Variants in OR2L3 observed in about 807,000 individuals in gnomAD.
OR2L3 encodes olfactory receptor family 2 subfamily L member 3.
For synonymous variants in OR2L3, 131 were observed against 139.1 expected (o/e 0.94, Z 0.41); for missense variants, 369 against 376.6 (o/e 0.98, Z 0.17).
chr1:248,049,507 T>C (rs1025126280), intron 1 of OR2L3, among the ~76,000 whole-genome samples: 1 of 152,138 alleles, frequency 6.6e-6, no homozygotes, highest in African/African-American at 2.4e-5. Flanking sequence ...ATCTTTTACA[T>C]TGGGAGCAAG....
chr1:248,059,814 CAGG>C (rs897902212), intron 1 of OR2L3, among the ~76,000 whole-genome samples: 5 of 152,082 alleles, frequency 3.3e-5, no homozygotes, highest in African/African-American at 1.2e-4. Flanking sequence ...AAGGCCAAGA[CAGG>C]AGGATTGGTG....
At chr1:248,048,288 G>A (rs1663145758) in intron 1 of OR2L3, among the ~76,000 whole-genome samples, 1 of 152,132 alleles carries the variant, frequency 6.6e-6, no homozygotes, top group African/African-American at 2.4e-5. Context: ...AAGAGTTGTG[G>A]TTCTCCAACT....
intron 1 of OR2L3, among the ~76,000 whole-genome samples, chr1:248,054,991 G>A (rs762413958): frequency 2.6e-5 from 4 of 152,186 alleles, no homozygotes; most frequent in Non-Finnish European, 5.9e-5. Context: ...TAAGAGTCAT[G>A]AGAGATTGCA....
Position 248,062,894 on chromosome 1 carries a change from A to G in OR2L3, c.*1274A>G, listed in dbSNP as rs1213838524. 1 of 152,184 alleles carries G rather than the reference A, an allele frequency of 6.6e-6. No homozygotes were observed. Among genetic ancestry groups the G allele is most frequent in the Admixed American group, 6.5e-5 (1 of 15,276 alleles). The allele number at this position is 152,184 out of a possible 1,614,324, so 9.4% of individuals were successfully genotyped here. ...GTATCCATAGTAATTAAAATAAAAG[A>G]ACCAGTTCACTGTAGATATATGGAT... On this transcript the variant is annotated 3_prime_UTR_variant, in exon 2 of 2. Transcript: ENST00000359959.
intron 1 of OR2L3, among the ~76,000 whole-genome samples, chr1:248,059,715 C>T (rs1305402888): frequency 6.6e-6 from 1 of 152,070 alleles, no homozygotes; most frequent in Non-Finnish European, 1.5e-5. Flanking sequence ...CTCAAAATAG[C>T]AGAGAGGCTG....
chr1:248,062,723 G>A lies in OR2L3; in HGVS notation c.*1103G>A, dbSNP rs1275817658. On this transcript the variant is annotated 3_prime_UTR_variant, in exon 2 of 2. Coordinates refer to ENST00000359959, the MANE Select transcript of OR2L3 (RefSeq NM_001004687.2). ...TTATTGTATGTATTAAAGAATAACT[G>A]AAAGAGTGGAATTGGAATGTTCCCA... 6.6e-6 allele frequency: 1 copy of A among 152,148 alleles called. No homozygotes were observed. The highest frequency in any genetic ancestry group is 2.4e-5 in the African/African-American group (1 of 41,444). The allele number at this position is 152,148 out of a possible 1,614,324, so 9.4% of individuals were successfully genotyped here. A position where few individuals can be genotyped will look rare whatever the true frequency, so the allele number is the denominator to read the frequency against.
rs766662395 is a variant in OR2L3 at position 248,061,006 on chromosome 1, G to A, written c.325G>A (p.Ala109Thr). The A allele has an allele frequency of 3.0e-5, 49 of 1,613,974 alleles. No individual in the cohort carries two copies. The highest frequency in any genetic ancestry group is 8.3e-5 in the Admixed American group (5 of 60,000). The stretch of plus-strand genomic sequence containing the variant: ...TTTCTTCTTCTCGGCATTAGGAGGT[G>A]CAGAAGCACTACTTTTGGCATCTAT... ...QSFFFSALGG[A>T]EALLLASMAY... Residue 109 changes from alanine (A) to threonine (T), a missense_variant, in exon 2 of 2, where the codon GCA (alanine) becomes ACA (threonine). Transcript: ENST00000359959.
intron 1 of OR2L3, among the ~76,000 whole-genome samples, chr1:248,048,801 T>C (rs1663164791): frequency 1.3e-5 from 2 of 152,092 alleles, no homozygotes; most frequent in African/African-American, 4.8e-5. Flanking sequence ...TCTGGAAAAC[T>C]CCATAAAGAA....
At chr1:248,050,910 TG>T (rs2103111303) in intron 1 of OR2L3, among the ~76,000 whole-genome samples, 2 of 152,316 alleles carry the variant, frequency 1.3e-5, no homozygotes, top group East Asian at 3.9e-4. Context: ...TGCTCTGCCA[TG>T]GCTTAGAAAC....
At chr1:248,058,544 A>G (rs916667436) in intron 1 of OR2L3, among the ~76,000 whole-genome samples, 1 of 152,090 alleles carries the variant, frequency 6.6e-6, no homozygotes, top group Non-Finnish European at 1.5e-5. Context: ...ATATATATAT[A>G]TCTTCTGATA....
chr1:248,049,227 T>C (rs1184659327), intron 1 of OR2L3, among the ~76,000 whole-genome samples: 1 of 152,190 alleles, frequency 6.6e-6, no homozygotes, highest in Non-Finnish European at 1.5e-5. Context: ...AGACTATGTT[T>C]GAAAAATCTT....
Position 248,060,592 on chromosome 1 carries a change from G to T in OR2L3, c.-21-69G>T, listed in dbSNP as rs1222186010. 3 of 983,670 alleles carry T rather than the reference G, an allele frequency of 3.0e-6. No individual in the cohort carries two copies. The South Asian group carries it at 4.6e-5, about 15-fold the overall frequency. 60.9% of individuals were successfully genotyped at this position (983,670 alleles called of 1,614,324 possible). On this transcript the variant is annotated intron_variant, in intron 1 of 1. Transcript: ENST00000359959. ...TCCAGTCTCAAGAATTTACTGAGGG[G>T]CTTCAAATGCATTCCCTGCAGATAA...
intron 1 of OR2L3, among the ~76,000 whole-genome samples, chr1:248,056,992 G>A (rs1376596204): frequency 6.6e-6 from 1 of 152,050 alleles, no homozygotes. Context: ...ATTGTGCTGT[G>A]GTCTGAGAGA....
chr1:248,057,379 A>G (rs1214598112), intron 1 of OR2L3, among the ~76,000 whole-genome samples: 1 of 152,138 alleles, frequency 6.6e-6, no homozygotes, highest in African/African-American at 2.4e-5. Context: ...GAACTCTTTT[A>G]CATTATGTAA....
chr1:248,050,240 T>A (rs1218526807), intron 1 of OR2L3, among the ~76,000 whole-genome samples: 1 of 151,966 alleles, frequency 6.6e-6, no homozygotes, highest in Non-Finnish European at 1.5e-5. Flanking sequence ...TTAATGCTTA[T>A]GCCTGCATAC....
At chr1:248,058,582 G>T in intron 1 of OR2L3, among the ~76,000 whole-genome samples, 1 of 151,858 alleles carries the variant, frequency 6.6e-6, no homozygotes, top group East Asian at 1.9e-4. Context: ...AAAAGCTTTA[G>T]AATTTGTCTT....
At chr1:248,057,695 TG>T (rs1234777776) in intron 1 of OR2L3, among the ~76,000 whole-genome samples, 2 of 152,180 alleles carry the variant, frequency 1.3e-5, no homozygotes, top group African/African-American at 4.8e-5. Flanking sequence ...TCATTTTCAA[TG>T]TATAAAGTTT....
chr1:248,060,593 C>T (rs1663590902), intron 1 of OR2L3, 68 bp from the exon 2 acceptor site: 4 of 1,002,758 alleles, frequency 4.0e-6, no homozygotes, highest in Non-Finnish European at 6.1e-6. Context: ...TACTGAGGGG[C>T]TTCAAATGCA....
At chr1:248,060,258 A>G (rs539432706) in intron 1 of OR2L3, among the ~76,000 whole-genome samples, 1 of 152,310 alleles carries the variant, frequency 6.6e-6, no homozygotes, top group African/African-American at 2.4e-5. Context: ...ATAAATTTAC[A>G]TATTTCTCAG....
Sources: allele counts gnomAD v4.1 joint callset (sites outside exome capture counted in the v4.1 genomes callset), GRCh38; gene constraint gnomAD v4.1.1; transcripts MANE v1.5; gene names NCBI Gene and HGNC (gene_info 2026-07-23, HGNC 2026-07-21).